Variants in CMIP observed in about 807,000 individuals in gnomAD.
CMIP encodes the protein c-Maf inducing protein, also known as C-Maf-inducing protein.
A neutral mutation model predicts 97.3 loss-of-function variants in CMIP; 13 were observed. The ratio of observed to expected loss-of-function variants is 0.13; its 90% CI spans 0.09 to 0.21. CMIP has a LOEUF of 0.21. Among genes scored for constraint, CMIP ranks in the 10% least tolerant of loss-of-function variants. The probability of loss-of-function intolerance (pLI) is 1.00; values close to 1 mark genes in which losing one functional copy is unlikely to be tolerated. For synonymous variants in CMIP, 538 were observed against 436.3 expected, an observed-to-expected ratio of 1.23 and a Z score of -2.91; for missense variants, 847 against 1,024.9, an observed-to-expected ratio of 0.83 and a Z score of 2.37.
At position 81,701,577 on chromosome 16, in the gene CMIP, A is replaced by C. The variant is rs76965233; in HGVS notation, c.1756-83A>C. The C allele has an allele frequency of 1.3e-3, 2,065 of 1,595,946 alleles. 33 individuals carry two copies. In the African/African-American group the frequency reaches 0.024, roughly 18 times the overall value. ...GGGATAGTGGGGTTGCTGGTTTTCA[A>C]AACAAGGCCCTTGGGGTGCACAGAG... On this transcript the variant is annotated intron_variant, in intron 15 of 20. Coordinates refer to ENST00000537098, the MANE Select transcript of CMIP (RefSeq NM_198390.3).
chr16:81,483,979 G>T lies in CMIP; in HGVS notation c.300+38438G>T, dbSNP rs559655745. ...CTTGTGTAAGGTGGCATCCAGTTTA[G>T]TTCAATCCTGTATGTAATCATTTCA... On this transcript the variant is annotated intron_variant, in intron 1 of 20. Transcript: ENST00000537098. Among the ~76,000 whole-genome samples, 6 of 152,278 alleles carry T rather than the reference G, an allele frequency of 3.9e-5. No individual in the cohort carries two copies. In the East Asian group the frequency reaches 1.2e-3, roughly 29 times the overall value.
At chr16:81,528,692 G>C (rs546933351) in intron 1 of CMIP, among the ~76,000 whole-genome samples, 1 of 152,302 alleles carries the variant, frequency 6.6e-6, no homozygotes, top group East Asian at 1.9e-4. Flanking sequence ...TGATGCCCAA[G>C]TCTTGAGCTT....
At chr16:81,515,839 G>T (rs982427587) in intron 1 of CMIP, among the ~76,000 whole-genome samples, 4 of 152,168 alleles carry the variant, frequency 2.6e-5, no homozygotes, top group Admixed American at 2.0e-4. Flanking sequence ...GAGCTGCTAG[G>T]AGGTTGGAAG....
At position 81,539,348 on chromosome 16, in the gene CMIP, G is replaced by A. The variant is rs2090405527; in HGVS notation, c.301-68219G>A. 2.0e-5 allele frequency among the ~76,000 whole-genome samples: 3 copies of A among 151,984 alleles called. No individual in the cohort carries two copies. The South Asian group carries it at 6.2e-4, about 31-fold the overall frequency. On this transcript the variant is annotated intron_variant, in intron 1 of 20. Coordinates refer to ENST00000537098, the MANE Select transcript of CMIP (RefSeq NM_198390.3). ...GGGTGGAGGATGATGGGCCAGGGCAGCTGCACAATGTCTGGCTGTTCAGGG... is the reference window on the plus strand; with the variant it reads ...GGGTGGAGGATGATGGGCCAGGGCAACTGCACAATGTCTGGCTGTTCAGGG...
chr16:81,707,168 C>T lies in CMIP; in HGVS notation c.2268+84C>T, dbSNP rs965236723. On this transcript the variant is annotated intron_variant, in intron 20 of 20. Transcript: ENST00000537098. ...GCTGGTGCATCTCCTGCACAGAGCT[C>T]GTTCTCCAGTAAAGGATGATGACAT... 22 of 1,098,398 alleles carry T rather than the reference C, an allele frequency of 2.0e-5. No individual in the cohort carries two copies. The East Asian group carries it at 2.8e-4, about 14-fold the overall frequency. The allele number at this position is 1,098,398 out of a possible 1,614,324, so 68.0% of individuals were successfully genotyped here.
At chr16:81,597,941 C>A (rs1471483387) in intron 1 of CMIP, among the ~76,000 whole-genome samples, 1 of 151,960 alleles carries the variant, frequency 6.6e-6, no homozygotes, top group African/African-American at 2.4e-5. Context: ...TAGGGTTGCA[C>A]CTAGGAGGCC....
At chr16:81,512,664 A>C (rs1007468771) in intron 1 of CMIP, among the ~76,000 whole-genome samples, 2 of 152,112 alleles carry the variant, frequency 1.3e-5, no homozygotes, top group Admixed American at 1.3e-4. Flanking sequence ...ACATGAATTC[A>C]TGGATTTAAA....
intron 15 of CMIP, among the ~76,000 whole-genome samples, chr16:81,700,978 C>T (rs754357418): frequency 5.3e-5 from 8 of 152,090 alleles, no homozygotes; most frequent in Non-Finnish European, 8.8e-5. Context: ...GAGTGACCTG[C>T]TCCTTGGTGA....
intron 20 of CMIP, among the ~76,000 whole-genome samples, chr16:81,707,900 C>T (rs915897087): frequency 3.9e-5 from 6 of 152,232 alleles, no homozygotes; most frequent in East Asian, 1.9e-4. Context: ...CTGGCACCTT[C>T]GTGCTCTGGA....
intron 1 of CMIP, among the ~76,000 whole-genome samples, chr16:81,578,724 T>A (rs975134529): frequency 6.6e-6 from 1 of 152,220 alleles, no homozygotes; most frequent in Non-Finnish European, 1.5e-5. Context: ...TGTGCATACA[T>A]CCTCTGTGTC....
At chr16:81,673,622 G>A (rs1044791794) in intron 9 of CMIP, among the ~76,000 whole-genome samples, 2 of 152,228 alleles carry the variant, frequency 1.3e-5, no homozygotes, top group South Asian at 2.1e-4. Flanking sequence ...AACACACTGA[G>A]AGTTGCTCTG....
In CMIP at chr16:81,621,001, A is replaced by G. The variant is rs2091984980; in HGVS notation, c.477+75A>G. 23 of 1,580,868 alleles carry G rather than the reference A, an allele frequency of 1.5e-5. No homozygotes were observed. The highest frequency in any genetic ancestry group is 1.9e-5 in the Non-Finnish European group (22 of 1,153,860). ...ATGGCTTAAAGCCAATCTGTCACCC[A>G]GAGGCATGAAAGTGGAGAACTCATG... On this transcript the variant is annotated intron_variant, in intron 3 of 20. Coordinates refer to ENST00000537098, the MANE Select transcript of CMIP (RefSeq NM_198390.3). The surrounding 1 kb of genome is among the most constrained non-coding windows in gnomAD (Gnocchi z 4.1).
At chr16:81,678,995 T>C (rs1457874264) in intron 10 of CMIP, among the ~76,000 whole-genome samples, 5 of 152,258 alleles carry the variant, frequency 3.3e-5, no homozygotes, top group Admixed American at 6.5e-5. Context: ...TACATATGTC[T>C]ACATGAGTTT....
chr16:81,596,818 C>G (rs2091565271), intron 1 of CMIP, among the ~76,000 whole-genome samples: 1 of 152,184 alleles, frequency 6.6e-6, no homozygotes, highest in Non-Finnish European at 1.5e-5. Context: ...ATTGGTCACC[C>G]CAATAACCAG....
intron 18 of CMIP, 36 bp downstream of exon 18, chr16:81,704,121 C>T: frequency 6.3e-7 from 1 of 1,581,486 alleles, no homozygotes; most frequent in Middle Eastern, 1.7e-4. Context: ...CCCCCACACC[C>T]TCCTCCTTCA....
At position 81,621,117 on chromosome 16, in the gene CMIP, G is replaced by A; in HGVS notation, c.477+191G>A. ...TGCTGTTCAATTCCTGTCCCCTGCAGTGCTGAAATAGCATTCTCGCCCTGG... is the reference window on the plus strand; with the variant it reads ...TGCTGTTCAATTCCTGTCCCCTGCAATGCTGAAATAGCATTCTCGCCCTGG... On this transcript the variant is annotated intron_variant, in intron 3 of 20. Transcript: ENST00000537098. The surrounding 1 kb of genome is among the most constrained non-coding windows in gnomAD (Gnocchi z 4.1). The A allele has an allele frequency of 3.4e-6, 2 of 590,682 alleles. No individual in the cohort carries two copies. The highest frequency in any genetic ancestry group is 6.0e-6 in the Non-Finnish European group (2 of 334,684). 36.6% of individuals were successfully genotyped at this position (590,682 alleles called of 1,614,324 possible).
At chr16:81,594,017 C>G (rs1278329583) in intron 1 of CMIP, among the ~76,000 whole-genome samples, 10 of 89,904 alleles carry the variant, frequency 1.1e-4, no homozygotes, top group African/African-American at 3.3e-4. Flanking sequence ...TCCTCTTCCT[C>G]CCCCCCTTCT....
At chr16:81,705,746 CTG>C in intron 19 of CMIP, 142 bp downstream of exon 19, 1 of 595,910 alleles carries the variant, frequency 1.7e-6, no homozygotes, top group South Asian at 2.1e-5. Context: ...CACTGCACAC[CTG>C]CTGTGGACCA....
At chr16:81,647,930 G>C (rs1444654878) in intron 3 of CMIP, among the ~76,000 whole-genome samples, 2 of 50,572 alleles carry the variant, frequency 4.0e-5, no homozygotes, top group Non-Finnish European at 7.4e-5. Context: ...CACCCGCAGA[G>C]CCGTAGCCCA....
Sources: gnomAD v4.1 joint callset for allele counts (sites outside exome capture counted in the v4.1 genomes callset) on GRCh38, gnomAD v4.1.1 for gene constraint, Gnocchi (gnomAD v3.1) non-coding constraint, MANE v1.5 for transcripts, NCBI Gene and HGNC (gene_info 2026-07-23, HGNC 2026-07-21) for gene names.